IGFL2: variants seen among roughly 807,000 people sequenced by gnomAD.
IGFL2 encodes insulin growth factor-like family member 2.
In IGFL2, 7 loss-of-function variants were observed where a neutral mutation model predicts 13.9. The ratio of observed to expected loss-of-function variants is 0.51; its 90% confidence interval spans 0.29 to 0.95. The LOEUF is 0.95. IGFL2 is among the 40% of genes least tolerant of loss of function. The pLI is 0.08. For synonymous variants in IGFL2, 55 were observed against 55.8 expected, an observed-to-expected ratio of 0.99 and a Z score of 0.07; for missense variants, 138 against 147.8, an observed-to-expected ratio of 0.93 and a Z score of 0.34.
chr19:46,162,745 C>T (rs1449364225), downstream of IGFL2, among the ~76,000 whole-genome samples: 1 of 152,184 alleles, frequency 6.6e-6, no homozygotes, highest in Non-Finnish European at 1.5e-5. Context: ...TGCCATCCTC[C>T]TGAATTTCAG....
the IGFL2 span, among the ~76,000 whole-genome samples, chr19:46,106,558 G>C: frequency 6.6e-6 from 1 of 152,130 alleles, no homozygotes; most frequent in African/African-American, 2.4e-5. Context: ...CAGAATAATG[G>C]GTTGTGGAGG....
chr19:46,135,781 C>G, the IGFL2 span, among the ~76,000 whole-genome samples: 1 of 152,232 alleles, frequency 6.6e-6, no homozygotes, highest in Non-Finnish European at 1.5e-5. Flanking sequence ...TATCTCTTTT[C>G]CAGTAACAGT....
the IGFL2 span, among the ~76,000 whole-genome samples, chr19:46,078,683 C>T: frequency 1.3e-5 from 2 of 152,374 alleles, no homozygotes; most frequent in Middle Eastern, 3.4e-3. Flanking sequence ...CAATTCACCA[C>T]AGTCCGTCAA....
At chr19:46,140,267 ATC>A (rs1051293591), upstream of IGFL2, among the ~76,000 whole-genome samples, 8 of 141,590 alleles carry the variant, frequency 5.7e-5, no homozygotes, top group South Asian at 1.5e-3. Flanking sequence ...ATATATATAT[ATC>A]TCAAAATGGT....
chr19:46,156,755 C>T (rs1487776491), intron 1 of IGFL2, among the ~76,000 whole-genome samples: 1 of 151,738 alleles, frequency 6.6e-6, no homozygotes, highest in Non-Finnish European at 1.5e-5. Context: ...GCAAAATAAA[C>T]CCAAAGCAAG....
At chr19:46,188,945 G>C in the IGFL2 span, among the ~76,000 whole-genome samples, 2 of 152,200 alleles carry the variant, frequency 1.3e-5, no homozygotes, top group Non-Finnish European at 2.9e-5. Flanking sequence ...TGGGATGTAG[G>C]GACCAGCCCT....
intron 1 of IGFL2, chr19:46,159,037 A>G (rs1020228690): frequency 6.6e-6 from 1 of 152,086 alleles, no homozygotes; most frequent in South Asian, 2.1e-4. Context: ...GCCACTTACT[A>G]TTATTACTAT....
At chr19:46,187,018 G>C in the IGFL2 span, among the ~76,000 whole-genome samples, 4 of 152,226 alleles carry the variant, frequency 2.6e-5, no homozygotes, top group African/African-American at 9.6e-5. Flanking sequence ...ATTAGAAAGG[G>C]GGGTTTCCTA....
chr19:46,170,968 G>A, the IGFL2 span, among the ~76,000 whole-genome samples: 8 of 151,818 alleles, frequency 5.3e-5, no homozygotes, highest in South Asian at 6.3e-4. Context: ...ATCTTTTGTC[G>A]CCCTTGAAGC....
chr19:46,085,718 A>G, the IGFL2 span, among the ~76,000 whole-genome samples: 1 of 152,218 alleles, frequency 6.6e-6, no homozygotes, highest in African/African-American at 2.4e-5. Context: ...TTATAGTGAC[A>G]GTGGGCCATA....
At chr19:46,149,178 CT>C (rs1568424237) in intron 1 of IGFL2, 45 of 192,508 alleles carry the variant, frequency 2.3e-4, no homozygotes, top group Non-Finnish European at 5.6e-4. Context: ...TCTCTCTCTT[CT>C]CTCTCTCTTT....
chr19:46,164,155 A>G (rs1039112183), downstream of IGFL2: 6 of 151,824 alleles, frequency 4.0e-5, no homozygotes, highest in Non-Finnish European at 8.8e-5. Context: ...AGTCATCTAA[A>G]TGGCAAAGAT....
At chr19:46,102,660 T>A in the IGFL2 span, among the ~76,000 whole-genome samples, 1 of 152,200 alleles carries the variant, frequency 6.6e-6, no homozygotes, top group Admixed American at 6.5e-5. Context: ...TGTTTTCACT[T>A]CTTTTGTGAA....
At chr19:46,123,388 C>T in the IGFL2 span, among the ~76,000 whole-genome samples, 1 of 150,822 alleles carries the variant, frequency 6.6e-6, no homozygotes, top group Non-Finnish European at 1.5e-5. Flanking sequence ...GAATCATGGA[C>T]ACTTCATACA....
At chr19:46,159,383 C>A (rs1247985716) in intron 1 of IGFL2, 1 of 152,192 alleles carries the variant, frequency 6.6e-6, no homozygotes. Context: ...TACTGGAGGC[C>A]ATGAGCTTCC....
chr19:46,103,266 T>C, the IGFL2 span, among the ~76,000 whole-genome samples: 4 of 152,188 alleles, frequency 2.6e-5, no homozygotes, highest in Non-Finnish European at 5.9e-5. Flanking sequence ...TCCCCTTTTT[T>C]TTTAGCAGTA....
the IGFL2 span, among the ~76,000 whole-genome samples, chr19:46,099,907 T>G: frequency 6.6e-6 from 1 of 152,124 alleles, no homozygotes; most frequent in African/African-American, 2.4e-5. Context: ...GCTCTGATAT[T>G]TATCCTTCTG....
chr19:46,213,350 G>A, the IGFL2 span: 10 of 152,586 alleles, frequency 6.6e-5, no homozygotes, highest in African/African-American at 2.4e-4. Context: ...GTCTCTGCAG[G>A]AGGGCCAGAC....
rs569528077 is a variant in IGFL2 at position 46,160,389 on chromosome 19, C to T, written c.20-26C>T. ...TAGTGGCCACACTTCCAGCCCCATCCTTAACCTCCTTTCTTTCTCTCCCAG... is the reference window on the plus strand; with the variant it reads ...TAGTGGCCACACTTCCAGCCCCATCTTTAACCTCCTTTCTTTCTCTCCCAG... On this transcript the variant is annotated intron_variant, in intron 1 of 3. Transcript: ENST00000377693. 4.9e-5 allele frequency: 78 copies of T among 1,606,410 alleles called. 2 individuals carry two copies. In the South Asian group the frequency reaches 7.0e-4, roughly 14 times the overall value.
Sources: gnomAD v4.1 joint callset for allele counts (sites outside exome capture counted in the v4.1 genomes callset) on GRCh38, gnomAD v4.1.1 for gene constraint, MANE v1.5 for transcripts, NCBI Gene and HGNC (gene_info 2026-07-23, HGNC 2026-07-21) for gene names.